Variants in ATP2B2 observed in about 807,000 individuals in gnomAD.
ATP2B2 encodes the protein ATPase plasma membrane Ca2+ transporting 2.
In ATP2B2, 15 loss-of-function variants were observed where a neutral mutation model predicts 120.0. That is an observed-to-expected ratio of 0.12 (90% CI 0.08 to 0.19). The LOEUF (loss-of-function observed/expected upper bound fraction) is 0.19. Among genes scored for constraint, ATP2B2 ranks in the 10% least tolerant of loss-of-function variants. ATP2B2 has a pLI of 1.00. For missense variants in ATP2B2, 1,045 were observed against 1,719.8 expected, an observed-to-expected ratio of 0.61 and a Z score of 6.94; for synonymous variants, 694 against 700.3, an observed-to-expected ratio of 0.99 and a Z score of 0.14.
chr3:10,506,482 T>C (rs2066632095), upstream of ATP2B2, among the ~76,000 whole-genome samples: 12 of 152,298 alleles, frequency 7.9e-5, no homozygotes, highest in Admixed American at 7.8e-4. Context: ...TGGAAGCCCC[T>C]AGCCAGCTGC....
At chr3:10,573,112 T>C (rs774364158) in intron 2 of ATP2B2, among the ~76,000 whole-genome samples, 6 of 151,786 alleles carry the variant, frequency 4.0e-5, no homozygotes, top group Non-Finnish European at 7.4e-5. Flanking sequence ...AAATGGTTTT[T>C]ATTTTCCTCT....
At chr3:10,655,668 T>G (rs974580825) in intron 1 of ATP2B2, among the ~76,000 whole-genome samples, 1 of 152,210 alleles carries the variant, frequency 6.6e-6, no homozygotes, top group Non-Finnish European at 1.5e-5. Flanking sequence ...TGGACTTACG[T>G]GGAGTCACCT....
At chr3:10,563,004 T>A (rs2067936256) in intron 2 of ATP2B2, among the ~76,000 whole-genome samples, 1 of 152,212 alleles carries the variant, frequency 6.6e-6, no homozygotes, top group African/African-American at 2.4e-5. Context: ...TTTTCTACCA[T>A]TATGTTCTGA....
At chr3:10,604,634 C>T (rs2069012692) in intron 2 of ATP2B2, among the ~76,000 whole-genome samples, 1 of 152,222 alleles carries the variant, frequency 6.6e-6, no homozygotes, top group Non-Finnish European at 1.5e-5. Flanking sequence ...AGTGTTGGCT[C>T]AGTGTTTTGA....
chr3:10,332,641 C>T (rs1261120896), intron 22 of ATP2B2, among the ~76,000 whole-genome samples: 1 of 152,118 alleles, frequency 6.6e-6, no homozygotes, highest in Non-Finnish European at 1.5e-5. Context: ...GGCGTGGGCA[C>T]TGGTTCCGGA....
intron 2 of ATP2B2, among the ~76,000 whole-genome samples, chr3:10,598,383 G>C (rs879789574): frequency 6.6e-6 from 1 of 152,192 alleles, no homozygotes; most frequent in Non-Finnish European, 1.5e-5. Flanking sequence ...GGTAATTACA[G>C]TACTTTCATT....
rs79224479 is a variant in ATP2B2 at position 10,336,640 on chromosome 3, C to T, written c.3420+1536G>A. Among the ~76,000 whole-genome samples the T allele has an allele frequency of 9.6e-3, 1,459 of 152,206 alleles. 11 individuals carry two copies. The highest frequency in any genetic ancestry group is 0.014 in the African/African-American group (601 of 41,516). On this transcript the variant is annotated intron_variant, in intron 22 of 22. Coordinates refer to ENST00000360273, the MANE Select transcript of ATP2B2 (RefSeq NM_001001331.4). Reference sequence around the variant, plus strand: ...GTGTTCAGCCTCCCTCAGGTACAGGCGTGGAGGTAGAGGGTGTGGTGGGGG... The same window carrying T: ...GTGTTCAGCCTCCCTCAGGTACAGGTGTGGAGGTAGAGGGTGTGGTGGGGG...
At chr3:10,470,205 G>C (rs367620140) in intron 1 of ATP2B2, among the ~76,000 whole-genome samples, 2 of 152,294 alleles carry the variant, frequency 1.3e-5, no homozygotes, top group South Asian at 4.1e-4. Flanking sequence ...TGACAACAAT[G>C]ACAAGTATAG....
At chr3:10,604,500 A>T (rs2069008594) in intron 2 of ATP2B2, among the ~76,000 whole-genome samples, 3 of 152,148 alleles carry the variant, frequency 2.0e-5, no homozygotes, top group Non-Finnish European at 1.5e-5. Flanking sequence ...TATCAGACAC[A>T]AGCCTGTCTG....
intron 9 of ATP2B2, 119 bp from the exon 10 acceptor site, chr3:10,378,529 C>T (rs1318803146): frequency 1.6e-5 from 22 of 1,368,958 alleles, no homozygotes; most frequent in Admixed American, 3.7e-5. Flanking sequence ...GTGCTGACTG[C>T]CTGGACTGAG....
chr3:10,629,239 G>A (rs2069793769), intron 1 of ATP2B2, among the ~76,000 whole-genome samples: 1 of 152,212 alleles, frequency 6.6e-6, no homozygotes, highest in Non-Finnish European at 1.5e-5. Context: ...AAGGCAGAGC[G>A]TCACCTGGCT....
At chr3:10,604,011 C>T (rs1225276569) in intron 2 of ATP2B2, among the ~76,000 whole-genome samples, 2 of 152,148 alleles carry the variant, frequency 1.3e-5, no homozygotes, top group African/African-American at 4.8e-5. Context: ...GGCATCTAAA[C>T]TTAACATGGT....
chr3:10,626,865 GACACACACAC>G (rs36206226), intron 1 of ATP2B2: 54,532 of 142,684 alleles, frequency 0.38, 11,633 homozygotes, highest in Non-Finnish European at 0.48. Flanking sequence ...CTGGTAGTGA[GACACACACAC>G]ACACACACAC....
chr3:10,454,511 C>T (rs974020207), intron 1 of ATP2B2, among the ~76,000 whole-genome samples: 12 of 152,216 alleles, frequency 7.9e-5, no homozygotes, highest in African/African-American at 2.9e-4. Context: ...ACTTCCTTCT[C>T]TACCTCTTCT....
At chr3:10,448,459 T>C (rs2063915614) in intron 2 of ATP2B2, among the ~76,000 whole-genome samples, 7 of 152,152 alleles carry the variant, frequency 4.6e-5, no homozygotes, top group Admixed American at 4.6e-4. Flanking sequence ...AGGTAACTTG[T>C]GGCAGGTAAC....
chr3:10,633,324 G>T (rs895354759), intron 1 of ATP2B2, among the ~76,000 whole-genome samples: 3 of 152,176 alleles, frequency 2.0e-5, no homozygotes, highest in Non-Finnish European at 4.4e-5. Context: ...CACCAGGGTT[G>T]CCATCCACTG....
chr3:10,435,442 G>T (rs2063451339), intron 2 of ATP2B2, among the ~76,000 whole-genome samples: 1 of 152,128 alleles, frequency 6.6e-6, no homozygotes, highest in Non-Finnish European at 1.5e-5. Context: ...ACTAGGCTTA[G>T]GATGACCACC....
intron 2 of ATP2B2, among the ~76,000 whole-genome samples, chr3:10,583,307 C>A (rs993136784): frequency 6.6e-6 from 1 of 152,186 alleles, no homozygotes; most frequent in Non-Finnish European, 1.5e-5. Context: ...ACAACAAAAA[C>A]AAGAGAGCCT....
chr3:10,327,208 A>C lies in ATP2B2; in HGVS notation c.*1606T>G. ...TAAGCTCTTATTAAGTGGGATTACT[A>C]GTGCTGTTGTCTTGGGGAAAAAATA... On this transcript the variant is annotated 3_prime_UTR_variant, in exon 23 of 23. Coordinates refer to ENST00000360273, the MANE Select transcript of ATP2B2 (RefSeq NM_001001331.4). The C allele has an allele frequency of 5.5e-6, 1 of 181,122 alleles. No individual in the cohort carries two copies. Among genetic ancestry groups the C allele is most frequent in the Middle Eastern group, 2.2e-3 (1 of 454 alleles). 11.2% of individuals were successfully genotyped at this position (181,122 alleles called of 1,614,324 possible). A position where few individuals can be genotyped will look rare whatever the true frequency, so the allele number is the denominator to read the frequency against.
Sources: gnomAD v4.1 joint callset for allele counts (sites outside exome capture counted in the v4.1 genomes callset) on GRCh38, gnomAD v4.1.1 for gene constraint, MANE v1.5 for transcripts, NCBI Gene and HGNC (gene_info 2026-07-23, HGNC 2026-07-21) for gene names.